The following YTHDC2 variants were observed in gnomAD, a reference collection of about 807,000 sequenced individuals.
YTHDC2 encodes 3'-5' RNA helicase YTHDC2.
Under a neutral mutation model 174.9 loss-of-function variants are expected in YTHDC2, and 45 were observed. The observed-to-expected ratio is 0.26, with a 90% CI of 0.20 to 0.33. YTHDC2 has a LOEUF of 0.33. Ranked by LOEUF, YTHDC2 falls within the 10% of genes least tolerant of loss-of-function variation. The pLI is 1.00. For synonymous variants in YTHDC2, 657 were observed against 574.5 expected (o/e 1.14, Z -2.05); for missense variants, 1,650 against 1,723.7 (o/e 0.96, Z 0.76).
chr5:113,514,668 C>T (rs1773278959), intron 1 of YTHDC2, among the ~76,000 whole-genome samples: 2 of 152,196 alleles, frequency 1.3e-5, no homozygotes, highest in South Asian at 4.2e-4. Flanking sequence ...TTCGGACCTG[C>T]TGGCTTAGTT....
intron 28 of YTHDC2, chr5:113,592,476 T>G (rs1178532676): frequency 1.4e-5 from 3 of 210,386 alleles, no homozygotes; most frequent in Non-Finnish European, 1.9e-5. Flanking sequence ...GTGTTTTGCT[T>G]TGTCTTCATG....
In YTHDC2 at chr5:113,541,255, G is replaced by A. The variant is rs1775438899; in HGVS notation, c.1359+139G>A. The A allele has an allele frequency of 1.5e-5, 14 of 934,430 alleles. No individual in the cohort carries two copies. In the East Asian group the frequency reaches 3.7e-4, roughly 25 times the overall value. The allele number at this position is 934,430 out of a possible 1,614,324, so 57.9% of individuals were successfully genotyped here. A position where few individuals can be genotyped will look rare whatever the true frequency, so the allele number is the denominator to read the frequency against. On this transcript the variant is annotated intron_variant, in intron 9 of 29. Coordinates refer to ENST00000161863, the MANE Select transcript of YTHDC2 (RefSeq NM_022828.5). Reference sequence around the variant, plus strand: ...GGCCCAGGCTGGAGTGGAGTGGCGTGATCTCGGCTCACTGCAAGCTCCGCG... The same window carrying A: ...GGCCCAGGCTGGAGTGGAGTGGCGTAATCTCGGCTCACTGCAAGCTCCGCG...
intron 4 of YTHDC2, 122 bp downstream of exon 4, chr5:113,526,907 A>G: frequency 4.2e-6 from 1 of 238,042 alleles, no homozygotes; most frequent in Non-Finnish European, 7.7e-6. Context: ...AAAACAGAAA[A>G]AGAAACTTGT....
intron 25 of YTHDC2, chr5:113,583,112 A>C (rs1778491872): frequency 6.6e-6 from 1 of 152,198 alleles, no homozygotes; most frequent in Admixed American, 6.5e-5. Context: ...ACATACTAAT[A>C]TATAATGCAT....
intron 2 of YTHDC2, among the ~76,000 whole-genome samples, chr5:113,518,540 T>C (rs1244220290): frequency 6.7e-6 from 1 of 149,730 alleles, no homozygotes; most frequent in African/African-American, 2.5e-5. Flanking sequence ...CTTTATTGAT[T>C]CAGTAAGTTA....
At chr5:113,533,618 C>T (rs1267409852) in intron 5 of YTHDC2, among the ~76,000 whole-genome samples, 1 of 151,748 alleles carries the variant, frequency 6.6e-6, no homozygotes, top group African/African-American at 2.4e-5. Flanking sequence ...CCTCAGTGTT[C>T]TTATCTATAA....
chr5:113,564,110 G>A lies in YTHDC2; in HGVS notation c.2694G>A (p.Met898Ile), dbSNP rs777683498. 2.2e-5 allele frequency: 35 copies of A among 1,613,878 alleles called. 1 individual carries two copies. The South Asian group carries it at 3.8e-4, about 18-fold the overall frequency. Residue 898 changes from methionine (M) to isoleucine (I), a missense_variant, in exon 20 of 30, where the codon ATG (methionine) becomes ATA (isoleucine). Physicochemically the swap from Met to Ile is conservative, Grantham distance 10. Transcript: ENST00000161863. The stretch of plus-strand genomic sequence containing the variant: ...CTGCAGGAGCTTTCAGTGACCATAT[G>A]GCACTTCTCAGAGCATTCCAGGTAC... Reference protein sequence around the residue: ...RFTAGAFSDHMALLRAFQAWQ... With the variant: ...RFTAGAFSDHIALLRAFQAWQ...
chr5:113,589,408 A>AAAAATATATATATATAT (rs368975720), intron 26 of YTHDC2, among the ~76,000 whole-genome samples: 7 of 123,262 alleles, frequency 5.7e-5, no homozygotes, highest in South Asian at 2.6e-4. Flanking sequence ...AAAAAAAAAA[A>AAAAATATATATATATAT]ATATATATAT....
rs542218610 is a variant in YTHDC2 at position 113,591,921 on chromosome 5, C to A, written c.4030-75C>A. ...TAATCTTAAAATTTTAAAAACTCAG[C>A]CTTCTCAGATAAATTAAATTTAGAC... On this transcript the variant is annotated intron_variant, in intron 27 of 29. Transcript: ENST00000161863. 6 of 1,146,480 alleles carry A rather than the reference C, an allele frequency of 5.2e-6. No individual in the cohort carries two copies. The East Asian group carries it at 1.7e-4, about 33-fold the overall frequency. 71.0% of individuals were successfully genotyped at this position (1,146,480 alleles called of 1,614,324 possible). A position where few individuals can be genotyped will look rare whatever the true frequency, so the allele number is the denominator to read the frequency against.
Position 113,584,288 on chromosome 5 carries a change from C to G in YTHDC2, c.3648-14C>G. 6.3e-7 allele frequency: 1 copy of G among 1,599,296 alleles called. No homozygotes were observed. The highest frequency in any genetic ancestry group is 8.5e-7 in the Non-Finnish European group (1 of 1,172,648). ...TATATATAACTGATCTTTGCTTCCTCCTTCTTGCTCAAGAGTACTGATGAA... is the reference window on the plus strand; with the variant it reads ...TATATATAACTGATCTTTGCTTCCTGCTTCTTGCTCAAGAGTACTGATGAA... On this transcript the variant is annotated splice_polypyrimidine_tract_variant and intron_variant, in intron 25 of 29. Coordinates refer to ENST00000161863, the MANE Select transcript of YTHDC2 (RefSeq NM_022828.5).
rs754247649 is a variant in YTHDC2 at position 113,553,168 on chromosome 5, TTTTTTTTTTC to T, written c.1689-12_1689-3del. Reference sequence around the variant, plus strand: ...GAAATTGACTTTGTCTTTTTTTTTTTTTTTTTTTTCAGTGCTACACTGGAATTTGGAAATC... The same window carrying T: ...GAAATTGACTTTGTCTTTTTTTTTTTAGTGCTACACTGGAATTTGGAAATC... On this transcript the variant is annotated splice_polypyrimidine_tract_variant and splice_region_variant and intron_variant, in intron 12 of 29. Coordinates refer to ENST00000161863, the MANE Select transcript of YTHDC2 (RefSeq NM_022828.5). 4 of 1,376,614 alleles carry T rather than the reference TTTTTTTTTTC, an allele frequency of 2.9e-6. No individual in the cohort carries two copies. The highest frequency in any genetic ancestry group is 3.7e-6 in the Non-Finnish European group (4 of 1,068,162). The allele number at this position is 1,376,614 out of a possible 1,614,324, so 85.3% of individuals were successfully genotyped here.
chr5:113,567,403 G>GA, intron 22 of YTHDC2, 106 bp downstream of exon 22: 1 of 333,938 alleles, frequency 3.0e-6, no homozygotes, highest in Non-Finnish European at 4.3e-6. Flanking sequence ...AAATTAATTA[G>GA]TTATATATAT....
intron 7 of YTHDC2, among the ~76,000 whole-genome samples, chr5:113,538,044 C>T (rs75872154): frequency 6.6e-6 from 1 of 152,144 alleles, no homozygotes; most frequent in Non-Finnish European, 1.5e-5. Context: ...ATGACATTAT[C>T]ATTCAGATTT....
chr5:113,573,286 A>T (rs887881808), intron 23 of YTHDC2, among the ~76,000 whole-genome samples: 5 of 152,114 alleles, frequency 3.3e-5, no homozygotes, highest in Admixed American at 6.5e-5. Context: ...AAGAGTGTTG[A>T]ATATTGGCCC....
chr5:113,561,957 G>GGTGTGTGTGTGT (rs70973686), intron 18 of YTHDC2, among the ~76,000 whole-genome samples: 2,666 of 134,866 alleles, frequency 0.02, 66 homozygotes, highest in Admixed American at 0.07. Context: ...ATTAATTGTG[G>GGTGTGTGTGTGT]GTGTGTGTGT....
intron 2 of YTHDC2, among the ~76,000 whole-genome samples, chr5:113,518,900 G>A (rs1773669109): frequency 1.3e-5 from 2 of 151,764 alleles, no homozygotes; most frequent in African/African-American, 2.4e-5. Flanking sequence ...TTATTTTTTA[G>A]AGACAGAGTC....
intron 13 of YTHDC2, 73 bp downstream of exon 13, chr5:113,553,432 T>G: frequency 1.4e-6 from 2 of 1,458,140 alleles, no homozygotes; most frequent in Non-Finnish European, 1.8e-6. Flanking sequence ...GTGTACAAAT[T>G]TTTATATAAT....
At chr5:113,554,506 G>T (rs1187780986) in intron 16 of YTHDC2, among the ~76,000 whole-genome samples, 1 of 151,968 alleles carries the variant, frequency 6.6e-6, no homozygotes, top group African/African-American at 2.4e-5. Context: ...GAACCATGCT[G>T]AAAGAAAGCA....
chr5:113,545,647 C>A (rs1285300348), intron 10 of YTHDC2, among the ~76,000 whole-genome samples: 1 of 152,046 alleles, frequency 6.6e-6, no homozygotes, highest in South Asian at 2.1e-4. Flanking sequence ...CCCACCTTTG[C>A]CTCCCAAAGT....
Sources: gnomAD v4.1 joint callset for allele counts (sites outside exome capture counted in the v4.1 genomes callset) on GRCh38, gnomAD v4.1.1 for gene constraint, MANE v1.5 for transcripts, NCBI Gene and HGNC (gene_info 2026-07-23, HGNC 2026-07-21) for gene names.